The following MAP3K20 variants were observed in gnomAD, a reference collection of about 807,000 sequenced individuals.
MAP3K20 encodes the protein mitogen-activated protein kinase kinase kinase 20, also known as HCCS-4.
Under a neutral mutation model 85.7 loss-of-function variants are expected in MAP3K20, and 40 were observed. The ratio of observed to expected loss-of-function variants is 0.47; its 90% CI spans 0.36 to 0.61. The LOEUF (loss-of-function observed/expected upper bound fraction) is 0.61, where lower values mean the gene tolerates loss of function less well. Among genes scored for constraint, MAP3K20 ranks in the 20% least tolerant of loss-of-function variants. MAP3K20 has a pLI of 0.00. For missense variants in MAP3K20, 817 were observed against 961.7 expected, an observed-to-expected ratio of 0.85 and a Z score of 1.99; for synonymous variants, 325 against 327.7, an observed-to-expected ratio of 0.99 and a Z score of 0.09.
At chr2:173,233,025 A>AC (rs1398461373) in intron 14 of MAP3K20, among the ~76,000 whole-genome samples, 4 of 151,970 alleles carry the variant, frequency 2.6e-5, no homozygotes, top group Non-Finnish European at 5.9e-5. Context: ...CCTGAATATC[A>AC]CCCCCCTGCC....
At chr2:173,246,432 T>TC in intron 16 of MAP3K20, among the ~76,000 whole-genome samples, 1 of 152,316 alleles carries the variant, frequency 6.6e-6, no homozygotes, top group Non-Finnish European at 1.5e-5. Context: ...TCAGGCGACT[T>TC]CATGCGCTCC....
chr2:173,114,335 T>C (rs1406634607), intron 2 of MAP3K20, among the ~76,000 whole-genome samples: 3 of 152,198 alleles, frequency 2.0e-5, no homozygotes, highest in Non-Finnish European at 2.9e-5. Flanking sequence ...TTCTTATCCA[T>C]TCTGCAGTTC....
At chr2:173,165,376 C>A (rs1231341486) in intron 2 of MAP3K20, among the ~76,000 whole-genome samples, 1 of 152,080 alleles carries the variant, frequency 6.6e-6, no homozygotes, top group Non-Finnish European at 1.5e-5. Flanking sequence ...GAGATTGCAC[C>A]ACTGTACTCC....
chr2:173,260,594 G>A, intron 17 of MAP3K20, among the ~76,000 whole-genome samples: 1 of 152,192 alleles, frequency 6.6e-6, no homozygotes, highest in Non-Finnish European at 1.5e-5. Flanking sequence ...GTTTCTTCAT[G>A]TGTATGTGCA....
At chr2:173,217,765 T>C (rs988726225) in intron 11 of MAP3K20, among the ~76,000 whole-genome samples, 11 of 152,208 alleles carry the variant, frequency 7.2e-5, no homozygotes, top group South Asian at 2.1e-4. Flanking sequence ...GTTATGATCA[T>C]GGGCAGCAAA....
At chr2:173,250,801 G>A (rs116281140) in intron 16 of MAP3K20, among the ~76,000 whole-genome samples, 3 of 152,096 alleles carry the variant, frequency 2.0e-5, no homozygotes, top group East Asian at 3.8e-4. Flanking sequence ...AGAGTTTCTT[G>A]TGGATTTCTT....
rs911393515 is a variant in MAP3K20, at chr2:173,239,332, A to G, written c.1267-72A>G. On this transcript the variant is annotated intron_variant, in intron 15 of 19. Transcript: ENST00000375213. ...TAGAAAAAAAAAAAAAACTAGTGCC[A>G]AGATATCATCTTCTTTACATGAGAA... 3.2e-6 allele frequency: 4 copies of G among 1,253,084 alleles called. No homozygotes were observed. The Admixed American group carries it at 8.3e-5, about 26-fold the overall frequency. The allele number at this position is 1,253,084 out of a possible 1,614,324, so 77.6% of individuals were successfully genotyped here. A position where few individuals can be genotyped will look rare whatever the true frequency, so the allele number is the denominator to read the frequency against.
At chr2:173,155,724 G>C (rs1689449411) in intron 2 of MAP3K20, among the ~76,000 whole-genome samples, 1 of 152,182 alleles carries the variant, frequency 6.6e-6, no homozygotes, top group South Asian at 2.1e-4. Flanking sequence ...TGGAACTTTA[G>C]GGTTTTGGCA....
chr2:173,159,158 A>G (rs1689567663), intron 2 of MAP3K20, among the ~76,000 whole-genome samples: 1 of 152,176 alleles, frequency 6.6e-6, no homozygotes, highest in Non-Finnish European at 1.5e-5. Flanking sequence ...TTATATTGCT[A>G]TTCAATTTCG....
rs1683818311 is a variant in MAP3K20 at position 173,209,754 on chromosome 2, T to C, written c.770T>C (p.Ile257Thr). 6.2e-7 allele frequency: 1 copy of C among 1,609,702 alleles called. No homozygotes were observed. Among genetic ancestry groups the C allele is most frequent in the East Asian group, 2.2e-5 (1 of 44,854 alleles). ...AAACGGCCATCATTCAAGCAAATCA[T>C]TTCAATCCTGGAGTCCATGTCAAAT... is the stretch of plus-strand genomic sequence containing the variant. ...AKKRPSFKQI[I>T]SILESMSNDT... Residue 257 changes from isoleucine to threonine, a missense_variant, in exon 10 of 20, where the codon ATT becomes ACT. Coordinates refer to ENST00000375213, the MANE Select transcript of MAP3K20 (RefSeq NM_016653.3).
At chr2:173,143,366 A>C (rs1212628884) in intron 2 of MAP3K20, among the ~76,000 whole-genome samples, 10 of 152,224 alleles carry the variant, frequency 6.6e-5, no homozygotes, top group Admixed American at 6.5e-4. Flanking sequence ...GAACTAGAAA[A>C]AGAAATAGAC....
chr2:173,105,999 G>C (rs1687774122), intron 2 of MAP3K20, among the ~76,000 whole-genome samples: 1 of 152,130 alleles, frequency 6.6e-6, no homozygotes, highest in Non-Finnish European at 1.5e-5. Flanking sequence ...GTCTGTGTAA[G>C]ATCTTTACAC....
chr2:173,082,861 A>G (rs80009620), intron 1 of MAP3K20, among the ~76,000 whole-genome samples: 2,363 of 152,328 alleles, frequency 0.016, 59 homozygotes, highest in African/African-American at 0.053. Context: ...TTGAGCACAG[A>G]CATGTTTCCA....
chr2:173,221,455 T>C, intron 11 of MAP3K20: 1 of 1,613,614 alleles, frequency 6.2e-7, no homozygotes, highest in Non-Finnish European at 8.5e-7. Context: ...TCAGTGATTT[T>C]GACTTGTCAG....
At chr2:173,217,604 GTCAC>G (rs1312499531) in intron 11 of MAP3K20, among the ~76,000 whole-genome samples, 3 of 152,250 alleles carry the variant, frequency 2.0e-5, no homozygotes, top group African/African-American at 7.2e-5. Flanking sequence ...ACTCCTTCTA[GTCAC>G]TCAGTCATTA....
At chr2:173,078,470 C>A (rs1180316376) in intron 1 of MAP3K20, among the ~76,000 whole-genome samples, 1 of 152,188 alleles carries the variant, frequency 6.6e-6, no homozygotes, top group Non-Finnish European at 1.5e-5. Context: ...CCACTAGACA[C>A]AAATAAGCAG....
At chr2:173,093,128 C>T (rs1015320501) in intron 2 of MAP3K20, among the ~76,000 whole-genome samples, 2 of 152,078 alleles carry the variant, frequency 1.3e-5, no homozygotes, top group African/African-American at 2.4e-5. Context: ...AAAGTTATGG[C>T]GAGGAGTTGA....
intron 5 of MAP3K20, among the ~76,000 whole-genome samples, chr2:173,188,604 G>A (rs2106272139): frequency 6.6e-6 from 1 of 150,616 alleles, no homozygotes; most frequent in African/African-American, 2.5e-5. Flanking sequence ...GTGTGTGTGA[G>A]TGTGTGTGTG....
intron 11 of MAP3K20, chr2:173,226,241 G>C: frequency 1.0e-6 from 1 of 985,372 alleles, no homozygotes; most frequent in Non-Finnish European, 1.2e-6. Flanking sequence ...GAATTACTGT[G>C]CGTACAACTT....
Sources: gnomAD v4.1 joint callset for allele counts (sites outside exome capture counted in the v4.1 genomes callset) on GRCh38, gnomAD v4.1.1 for gene constraint, MANE v1.5 for transcripts, NCBI Gene and HGNC (gene_info 2026-07-23, HGNC 2026-07-21) for gene names.